FBXW11: variants seen among roughly 807,000 people sequenced by gnomAD.
FBXW11 encodes F-box and WD repeat domain containing 11.
Under a neutral mutation model 77.6 loss-of-function variants are expected in FBXW11, and 19 were observed. The observed-to-expected ratio is 0.24, with a 90% CI of 0.17 to 0.36. The LOEUF is 0.36. Ranked by LOEUF, FBXW11 falls within the 10% of genes least tolerant of loss-of-function variation. The pLI, the probability that FBXW11 is intolerant of heterozygous loss-of-function variation, is 1.00. For missense variants in FBXW11, 334 were observed against 704.2 expected (o/e 0.47, Z 5.95); for synonymous variants, 235 against 249.4 (o/e 0.94, Z 0.54).
intron 13 of FBXW11, among the ~76,000 whole-genome samples, chr5:171,867,281 C>CA (rs1480920235): frequency 6.6e-6 from 1 of 152,056 alleles, no homozygotes; most frequent in African/African-American, 2.4e-5. Flanking sequence ...CACTGAAGCA[C>CA]AAAAACAGCC....
intron 2 of FBXW11, among the ~76,000 whole-genome samples, chr5:171,946,805 CTTTTTTTTTTTTTTT>C (rs70982356): frequency 5.1e-5 from 3 of 58,634 alleles, no homozygotes; most frequent in African/African-American, 2.4e-4. Context: ...GTGTACTTTA[CTTTTTTTTTTTTTTT>C]TTTTTTTTTT....
In FBXW11 at chr5:171,901,482, G is replaced by A. The variant is rs1262606678; in HGVS notation, c.437-1382C>T. On this transcript the variant is annotated intron_variant, in intron 4 of 13. Transcript: ENST00000517395. ...TAAGAATGACTATTATTATACCATT[G>A]GTTATAATTTCCAGGTCCTTCATAT... is the stretch of plus-strand genomic sequence containing the variant. 2.0e-5 allele frequency among the ~76,000 whole-genome samples: 3 copies of A among 152,026 alleles called. No homozygotes were observed. In the East Asian group the frequency reaches 5.8e-4, roughly 29 times the overall value.
intron 2 of FBXW11, among the ~76,000 whole-genome samples, chr5:171,940,835 C>T (rs1164914884): frequency 2.0e-5 from 3 of 150,428 alleles, no homozygotes; most frequent in East Asian, 3.9e-4. Flanking sequence ...TGCAGTGAGC[C>T]GAGATTGCAC....
At chr5:171,935,339 A>T (rs1046568658) in intron 2 of FBXW11, among the ~76,000 whole-genome samples, 4 of 152,168 alleles carry the variant, frequency 2.6e-5, no homozygotes, top group Non-Finnish European at 5.9e-5. Context: ...CTATACTAAA[A>T]ATCACTGAAT....
intron 6 of FBXW11, among the ~76,000 whole-genome samples, chr5:171,896,122 C>T (rs1216586110): frequency 1.3e-5 from 2 of 152,072 alleles, no homozygotes; most frequent in East Asian, 1.9e-4. Context: ...AATGTAGAAG[C>T]GCAGATTCAG....
At chr5:171,956,218 T>C (rs1476417949) in intron 2 of FBXW11, among the ~76,000 whole-genome samples, 1 of 152,164 alleles carries the variant, frequency 6.6e-6, no homozygotes, top group Non-Finnish European at 1.5e-5. Flanking sequence ...ATAACGCAAA[T>C]ATCCATTATA....
chr5:171,984,780 G>C (rs544236931), intron 1 of FBXW11, among the ~76,000 whole-genome samples: 1 of 152,190 alleles, frequency 6.6e-6, no homozygotes, highest in East Asian at 1.9e-4. Flanking sequence ...TAGAAAAAAA[G>C]AATCGCACTA....
chr5:171,876,177 G>T lies in FBXW11; in HGVS notation c.1221+108C>A. 7.4e-7 allele frequency: 1 copy of T among 1,347,106 alleles called. No individual in the cohort carries two copies. The highest frequency in any genetic ancestry group is 1.0e-6 in the Non-Finnish European group (1 of 964,230). 83.4% of individuals were successfully genotyped at this position (1,347,106 alleles called of 1,614,324 possible). Reference sequence around the variant, plus strand: ...GGCCTCAAGGGTTCATAAGCACAGAGGAGAATAAAGATCTTGCCAGGTACC... The same window carrying T: ...GGCCTCAAGGGTTCATAAGCACAGATGAGAATAAAGATCTTGCCAGGTACC... On this transcript the variant is annotated intron_variant, in intron 9 of 13. Coordinates refer to ENST00000517395, the MANE Select transcript of FBXW11 (RefSeq NM_001378974.1). The surrounding 1 kb of genome is among the most constrained non-coding windows in gnomAD (Gnocchi z 4.2).
chr5:171,972,268 A>G (rs1467748861), intron 1 of FBXW11, among the ~76,000 whole-genome samples: 2 of 151,774 alleles, frequency 1.3e-5, no homozygotes, highest in Non-Finnish European at 2.9e-5. Flanking sequence ...GCTTGAGCCC[A>G]GGAGTTTGAG....
intron 2 of FBXW11, among the ~76,000 whole-genome samples, chr5:171,952,418 CATACAT>C (rs1237274317): frequency 6.2e-5 from 2 of 32,384 alleles, no homozygotes; most frequent in African/African-American, 8.8e-5. Flanking sequence ...GTTGTGTGTA[CATACAT>C]ATATATATAT....
At chr5:171,868,474 C>T (rs1757555193) in intron 13 of FBXW11, 136 bp downstream of exon 13, 1 of 642,862 alleles carries the variant, frequency 1.6e-6, no homozygotes, top group East Asian at 2.8e-5. Context: ...CAGCCTTACA[C>T]TTGAACTCTG....
At chr5:171,874,327 A>G (rs1757937366) in intron 9 of FBXW11, among the ~76,000 whole-genome samples, 1 of 152,186 alleles carries the variant, frequency 6.6e-6, no homozygotes, top group Admixed American at 6.5e-5. Flanking sequence ...CTGCACAATC[A>G]CTAGGGCAGA....
chr5:171,993,345 G>A (rs1285159284), intron 1 of FBXW11, among the ~76,000 whole-genome samples: 2 of 152,122 alleles, frequency 1.3e-5, no homozygotes, highest in Non-Finnish European at 2.9e-5. Flanking sequence ...TGGGTGTGGT[G>A]GCTCACACCT....
At position 171,972,552 on chromosome 5, in the gene FBXW11, T is replaced by C. The variant is rs568860695; in HGVS notation, c.46-14854A>G. Among the ~76,000 whole-genome samples, 345 of 144,044 alleles carry C rather than the reference T, an allele frequency of 2.4e-3. 2 individuals are homozygous for C. The highest frequency in any genetic ancestry group is 7.2e-3 in the Middle Eastern group (2 of 276). 94.5% of individuals were successfully genotyped at this position (144,044 alleles called of 152,430 possible). A position where few individuals can be genotyped will look rare whatever the true frequency, so the allele number is the denominator to read the frequency against. ...AAGTTAAAACTATAGGACTAAAACT[T>C]TTTTTTTTTTGAGACAGAGCCTCAC... On this transcript the variant is annotated intron_variant, in intron 1 of 13. Coordinates refer to ENST00000517395, the MANE Select transcript of FBXW11 (RefSeq NM_001378974.1).
intron 7 of FBXW11, among the ~76,000 whole-genome samples, chr5:171,885,841 C>T (rs1419985073): frequency 6.6e-6 from 1 of 152,154 alleles, no homozygotes; most frequent in Admixed American, 6.5e-5. Flanking sequence ...TCTACAATAG[C>T]AAAGCTTGCT....
intron 7 of FBXW11, among the ~76,000 whole-genome samples, chr5:171,891,115 T>A (rs1430334288): frequency 2.0e-5 from 3 of 152,176 alleles, no homozygotes; most frequent in African/African-American, 7.2e-5. Flanking sequence ...TATTATTATT[T>A]GAGTCCTTCT....
chr5:171,886,168 T>C (rs1581148320), intron 7 of FBXW11, among the ~76,000 whole-genome samples: 1 of 152,150 alleles, frequency 6.6e-6, no homozygotes, highest in African/African-American at 2.4e-5. Flanking sequence ...CTATTCACAA[T>C]AGCAAAGACT....
At chr5:171,867,671 T>C (rs1329411499) in intron 13 of FBXW11, 2 of 152,136 alleles carry the variant, frequency 1.3e-5, no homozygotes, top group Non-Finnish European at 2.9e-5. Context: ...AATCTCTCCA[T>C]CAAAAAAATT....
intron 7 of FBXW11, among the ~76,000 whole-genome samples, chr5:171,886,432 G>A: frequency 7.0e-6 from 1 of 143,662 alleles, no homozygotes; most frequent in East Asian, 2.2e-4. Context: ...TGGGGTTGGG[G>A]GAGGGGGGAG....
Sources: gnomAD v4.1 joint callset for allele counts (sites outside exome capture counted in the v4.1 genomes callset) on GRCh38, gnomAD v4.1.1 for gene constraint, Gnocchi (gnomAD v3.1) non-coding constraint, MANE v1.5 for transcripts, NCBI Gene and HGNC (gene_info 2026-07-23, HGNC 2026-07-21) for gene names.